UNC45B: variants seen among roughly 807,000 people sequenced by gnomAD.
The protein encoded by UNC45B is protein unc-45 homolog B.
A neutral mutation model predicts 98.7 loss-of-function variants in UNC45B; 78 were observed. The observed-to-expected ratio is 0.79, with a 90% CI of 0.66 to 0.95. The LOEUF is 0.95. Ranked by LOEUF, UNC45B falls within the 40% of genes least tolerant of loss-of-function variation. The probability of loss-of-function intolerance (pLI) is 0.00; values close to 1 mark genes in which losing one functional copy is unlikely to be tolerated. For synonymous variants in UNC45B, 462 were observed against 480.4 expected, an observed-to-expected ratio of 0.96 and a Z score of 0.50; for missense variants, 1,225 against 1,184.9, an observed-to-expected ratio of 1.03 and a Z score of -0.50.
intron 3 of UNC45B, among the ~76,000 whole-genome samples, chr17:35,149,703 C>T (rs778588559): frequency 3.3e-5 from 5 of 152,210 alleles, no homozygotes; most frequent in Admixed American, 6.5e-5. Flanking sequence ...GCATCAGCCA[C>T]TGCGCCAGGC....
chr17:35,163,866 C>G (rs1567759177), intron 8 of UNC45B, 129 bp from the exon 9 acceptor site: 1 of 1,104,570 alleles, frequency 9.1e-7, no homozygotes. Flanking sequence ...CCCTTTCATT[C>G]TGGATGAACC....
In UNC45B at chr17:35,154,708, C is replaced by T. The variant is rs762217527; in HGVS notation, c.606C>T (p.Thr202=). The T allele has an allele frequency of 1.2e-6, 2 of 1,604,100 alleles. No individual in the cohort carries two copies. The highest frequency in any genetic ancestry group is 4.5e-5 in the East Asian group (2 of 44,536). The change falls in exon 6 of 20, where the codon ACC becomes ACT. Residue 202 remains threonine, a synonymous_variant. Transcript: ENST00000394570. The part of the protein sequence containing the change: ...KPELVLAAVR[T]LSGMCSGHQA... ...AGCTGGTGCTGGCTGCAGTGCGGAC[C>T]CTGTCGGGCATGTGCAGCGGCCACC...
chr17:35,150,898 C>T (rs2092013488), intron 4 of UNC45B, among the ~76,000 whole-genome samples: 1 of 152,008 alleles, frequency 6.6e-6, no homozygotes, highest in Admixed American at 6.6e-5. Flanking sequence ...TAGAGGAGAG[C>T]CAGGCCCCAT....
intron 18 of UNC45B, 141 bp downstream of exon 18, chr17:35,180,817 A>G: frequency 1.7e-6 from 1 of 592,130 alleles, no homozygotes; most frequent in South Asian, 2.2e-5. Flanking sequence ...GAATCCCTAA[A>G]TATTTCCTAG....
At chr17:35,152,257 T>A (rs1278635463) in intron 4 of UNC45B, among the ~76,000 whole-genome samples, 3 of 151,348 alleles carry the variant, frequency 2.0e-5, no homozygotes, top group Non-Finnish European at 4.4e-5. Flanking sequence ...AAAAAAAAAA[T>A]TAAAAATTAA....
intron 14 of UNC45B, 39 bp from the exon 15 acceptor site, chr17:35,175,929 T>C (rs200719889): frequency 6.3e-7 from 1 of 1,596,518 alleles, no homozygotes; most frequent in East Asian, 2.2e-5. Context: ...GAAGGTGTGC[T>C]GGTGTATTAA....
intron 18 of UNC45B, 141 bp from the exon 19 acceptor site, chr17:35,183,286 T>C (rs2142607772): frequency 2.3e-6 from 2 of 882,764 alleles, no homozygotes; most frequent in Middle Eastern, 5.7e-4. Flanking sequence ...GGAAGGCTTC[T>C]TGGGGGAGGT....
In UNC45B at chr17:35,168,327, C is replaced by A. The variant is rs112484488; in HGVS notation, c.1418C>A (p.Thr473Asn). The change falls in exon 10 of 20, where the codon ACC (threonine) becomes AAC (asparagine). Residue 473 changes from threonine (T) to asparagine (N), a missense_variant. Thr to Asn is a moderately conservative substitution (Grantham distance 65). Transcript: ENST00000394570. ...VSLLKQIYKT[T>N]KNEKIKIRTL... is the part of the protein sequence containing the mutation. ...CTGCTCAAACAGATCTACAAGACCACCAAAAATGAGAAGATCAAGATCCGC... is the reference window on the plus strand; with the variant it reads ...CTGCTCAAACAGATCTACAAGACCAACAAAAATGAGAAGATCAAGATCCGC... 6.5e-6 allele frequency: 9 copies of A among 1,378,706 alleles called. No individual in the cohort carries two copies. The African/African-American group carries it at 7.4e-5, about 11-fold the overall frequency. The allele number at this position is 1,378,706 out of a possible 1,614,324, so 85.4% of individuals were successfully genotyped here.
At chr17:35,175,085 A>AAGAAAGAAAG (rs370149056) in intron 14 of UNC45B, among the ~76,000 whole-genome samples, 143 of 97,410 alleles carry the variant, frequency 1.5e-3, no homozygotes, top group African/African-American at 3.6e-3. Flanking sequence ...GAAAGAAAGA[A>AAGAAAGAAAG]AGAGAAAGAA....
intron 7 of UNC45B, among the ~76,000 whole-genome samples, 196 bp downstream of exon 7, chr17:35,155,660 C>A (rs1370524871): frequency 6.6e-6 from 1 of 152,186 alleles, no homozygotes; most frequent in Admixed American, 6.5e-5. Context: ...ACTGCAACCT[C>A]CTGGATTCAA....
chr17:35,175,888 G>A lies in UNC45B; in HGVS notation c.1959-80G>A, dbSNP rs114893168. ...TTCATCCCAGGGTTTCACTGGCTCC[G>A]ACTGGCTGGCCTGCTGCTGCTGCTG... is the stretch of plus-strand genomic sequence containing the variant. On this transcript the variant is annotated intron_variant, in intron 14 of 19. Coordinates refer to ENST00000394570, the MANE Select transcript of UNC45B (RefSeq NM_001267052.2). 1,507 of 1,395,226 alleles carry A rather than the reference G, an allele frequency of 1.1e-3. 16 individuals carry two copies. In the African/African-American group the frequency reaches 0.019, roughly 17 times the overall value. 86.4% of individuals were successfully genotyped at this position (1,395,226 alleles called of 1,614,324 possible).
At chr17:35,173,293 T>G (rs1310647896) in intron 13 of UNC45B, among the ~76,000 whole-genome samples, 1 of 152,024 alleles carries the variant, frequency 6.6e-6, no homozygotes, top group African/African-American at 2.4e-5. Flanking sequence ...GCCCAGCTAA[T>G]TTTTGTATTT....
intron 14 of UNC45B, among the ~76,000 whole-genome samples, chr17:35,175,100 A>AAG (rs1567766096): frequency 7.1e-6 from 1 of 140,390 alleles, no homozygotes; most frequent in East Asian, 2.1e-4. Flanking sequence ...AAAGAAAGAA[A>AAG]AAAGAAAAGA....
intron 19 of UNC45B, 37 bp downstream of exon 19, chr17:35,183,619 G>C (rs2092287094): frequency 3.4e-6 from 5 of 1,463,654 alleles, no homozygotes; most frequent in Non-Finnish European, 4.5e-6. Context: ...GGGCTGGGTG[G>C]CTCCAGGGAA....
intron 9 of UNC45B, chr17:35,164,499 A>G: frequency 5.3e-6 from 1 of 187,470 alleles, no homozygotes; most frequent in East Asian, 1.4e-4. Context: ...AGCCTGCTGA[A>G]GCGTCTTCAC....
rs572719777 is a variant in UNC45B, at chr17:35,159,484, T to A, written c.918T>A (p.Asn306Lys). 2 of 1,614,130 alleles carry A rather than the reference T, an allele frequency of 1.2e-6. No homozygotes were observed. Among genetic ancestry groups the A allele is most frequent in the African/African-American group, 1.3e-5 (1 of 75,024 alleles). Residue 306 changes from asparagine to lysine, a missense_variant, in exon 8 of 20, where the codon AAT becomes AAA. Transcript: ENST00000394570. ...AGGCGCTGAACCTGCTCAATAAGAATGTTCCCAGGAAGGACCTTGCCATTC... is the reference window on the plus strand; with the variant it reads ...AGGCGCTGAACCTGCTCAATAAGAAAGTTCCCAGGAAGGACCTTGCCATTC... ...RDQALNLLNK[N>K]VPRKDLAIHD... is the part of the protein sequence containing the mutation.
At chr17:35,174,463 G>T (rs2092212759) in intron 14 of UNC45B, 94 bp downstream of exon 14, 3 of 1,527,638 alleles carry the variant, frequency 2.0e-6, no homozygotes, top group Non-Finnish European at 1.8e-6. Context: ...AATGGTGGGG[G>T]CCTAAATGAG....
At chr17:35,166,086 TAAA>T (rs55844448) in intron 9 of UNC45B, among the ~76,000 whole-genome samples, 77 of 58,106 alleles carry the variant, frequency 1.3e-3, no homozygotes, top group Middle Eastern at 0.011. Context: ...CCCTCATCTC[TAAA>T]AAAAAAAAAA....
chr17:35,170,295 A>T, intron 12 of UNC45B, 40 bp downstream of exon 12: 1 of 1,565,026 alleles, frequency 6.4e-7, no homozygotes, highest in Non-Finnish European at 8.7e-7. Flanking sequence ...AAACCTCAGG[A>T]AAGGTCTGCT....
Sources: allele counts gnomAD v4.1 joint callset (sites outside exome capture counted in the v4.1 genomes callset), GRCh38; gene constraint gnomAD v4.1.1; transcripts MANE v1.5; gene names NCBI Gene and HGNC (gene_info 2026-07-23, HGNC 2026-07-21).